CEACAM6: variants seen among roughly 807,000 people sequenced by gnomAD.
CEACAM6 encodes CEA cell adhesion molecule 6.
Under a neutral mutation model 32.4 loss-of-function variants are expected in CEACAM6, and 21 were observed. That is an observed-to-expected ratio of 0.65 (90% confidence interval 0.46 to 0.93). The LOEUF (loss-of-function observed/expected upper bound fraction) is 0.93, where lower values mean the gene tolerates loss of function less well. Ranked by LOEUF, CEACAM6 falls within the 40% of genes least tolerant of loss-of-function variation. CEACAM6 has a pLI of 0.00. For missense variants in CEACAM6, 406 were observed against 432.2 expected (o/e 0.94, Z 0.54); for synonymous variants, 184 against 174.4 (o/e 1.06, Z -0.43).
intron 5 of CEACAM6, among the ~76,000 whole-genome samples, chr19:41,766,955 G>A (rs932777736): frequency 6.3e-5 from 9 of 141,876 alleles, no homozygotes; most frequent in Admixed American, 3.0e-4. Context: ...GCAGTGAGCC[G>A]AGATCGTGCC....
intron 4 of CEACAM6, among the ~76,000 whole-genome samples, chr19:41,765,138 C>G (rs1347049397): frequency 6.6e-6 from 1 of 152,214 alleles, no homozygotes; most frequent in Non-Finnish European, 1.5e-5. Flanking sequence ...GAGTCAAATT[C>G]TAAATCCACT....
intron 5 of CEACAM6, among the ~76,000 whole-genome samples, chr19:41,769,994 T>C (rs2072983936): frequency 6.6e-6 from 1 of 151,506 alleles, no homozygotes. Flanking sequence ...GGAATATACA[T>C]AGATGAACCC....
intron 2 of CEACAM6, among the ~76,000 whole-genome samples, chr19:41,760,170 T>G: frequency 6.6e-6 from 1 of 152,152 alleles, no homozygotes. Context: ...AACTCCCCAT[T>G]CTGCCTCTCC....
chr19:41,771,558 T>A lies in CEACAM6; in HGVS notation c.*797T>A, dbSNP rs2072994499. ...TCATCTGACTCATTCTTTATTCTATTTTAGTTGGTTTGTATCTTGCCTAAG... is the reference window on the plus strand; with the variant it reads ...TCATCTGACTCATTCTTTATTCTATATTAGTTGGTTTGTATCTTGCCTAAG... On this transcript the variant is annotated 3_prime_UTR_variant, in exon 6 of 6. Coordinates refer to ENST00000199764, the MANE Select transcript of CEACAM6 (RefSeq NM_002483.7). 1 of 152,252 alleles carries A rather than the reference T, an allele frequency of 6.6e-6. No homozygotes were observed. Among genetic ancestry groups the A allele is most frequent in the African/African-American group, 2.4e-5 (1 of 41,460 alleles). 9.4% of individuals were successfully genotyped at this position (152,252 alleles called of 1,614,324 possible).
At chr19:41,770,272 A>AT (rs2072986060) in intron 5 of CEACAM6, among the ~76,000 whole-genome samples, 1 of 151,574 alleles carries the variant, frequency 6.6e-6, no homozygotes, top group African/African-American at 2.4e-5. Context: ...AAAAAAAAAA[A>AT]AAAAGCTAGG....
chr19:41,768,744 C>T (rs1555822659), intron 5 of CEACAM6, among the ~76,000 whole-genome samples: 1 of 151,476 alleles, frequency 6.6e-6, no homozygotes, highest in East Asian at 2.0e-4. Context: ...CCCCCCACCT[C>T]CCTCCCGGAC....
intron 1 of CEACAM6, 66 bp downstream of exon 1, chr19:41,755,768 G>C (rs1555820941): frequency 1.4e-6 from 2 of 1,382,786 alleles, no homozygotes; most frequent in Non-Finnish European, 1.0e-6. Flanking sequence ...GGGTCTCCTG[G>C]GGAGGACAAG....
chr19:41,758,997 G>A (rs995178953), intron 2 of CEACAM6, among the ~76,000 whole-genome samples: 1 of 152,210 alleles, frequency 6.6e-6, no homozygotes, highest in Admixed American at 6.5e-5. Flanking sequence ...AGGGACAAGC[G>A]ACTCCTCCAT....
intron 2 of CEACAM6, 52 bp from the exon 3 acceptor site, chr19:41,761,197 G>A (rs1188103536): frequency 5.0e-6 from 8 of 1,612,604 alleles, no homozygotes; most frequent in East Asian, 2.2e-5. Context: ...AGATGCCTGT[G>A]GAGGAATCAA....
intron 3 of CEACAM6, 33 bp downstream of exon 3, chr19:41,761,560 T>G (rs1555821899): frequency 6.2e-7 from 1 of 1,609,018 alleles, no homozygotes; most frequent in East Asian, 2.2e-5. Context: ...TGGCCCAGGC[T>G]GCCAGCCCAA....
chr19:41,766,167 CTCTT>C lies in CEACAM6; in HGVS notation c.959-15_959-12del. Reference sequence around the variant, plus strand: ...GAATAACATCACCTTCATTCCTTCTCTCTTCTTCCCACAAGGAAGTGCTCCTGTC... The same window carrying C: ...GAATAACATCACCTTCATTCCTTCTCCTTCCCACAAGGAAGTGCTCCTGTC... On this transcript the variant is annotated splice_polypyrimidine_tract_variant and intron_variant, in intron 4 of 5. Transcript: ENST00000199764. The C allele has an allele frequency of 6.3e-7, 1 of 1,588,010 alleles. No individual in the cohort carries two copies. Among genetic ancestry groups the C allele is most frequent in the Non-Finnish European group, 8.6e-7 (1 of 1,166,358 alleles).
rs375771328 is a variant in CEACAM6, at chr19:41,756,848, G to A, written c.313G>A (p.Ala105Thr). ...TGGTCGAGAGACAATATACCCCAAT[G>A]CATCCCTGCTGATCCAGAACGTCAC... ...YSGRETIYPN[A>T]SLLIQNVTQN... Residue 105 changes from alanine (A) to threonine (T), a missense_variant, in exon 2 of 6, where the codon GCA (alanine) becomes ACA (threonine). Ala to Thr is a moderately conservative substitution (Grantham distance 58). Coordinates refer to ENST00000199764, the MANE Select transcript of CEACAM6 (RefSeq NM_002483.7). 119 of 1,614,024 alleles carry A rather than the reference G, an allele frequency of 7.4e-5. No individual in the cohort carries two copies. Among genetic ancestry groups the A allele is most frequent in the Non-Finnish European group, 1.0e-4 (118 of 1,180,036 alleles).
At chr19:41,768,788 TC>T (rs1280925409) in intron 5 of CEACAM6, among the ~76,000 whole-genome samples, 9 of 152,092 alleles carry the variant, frequency 5.9e-5, no homozygotes, top group Admixed American at 5.9e-4. Context: ...GCTCCTCACT[TC>T]CCAGTAGGGG....
intron 4 of CEACAM6, among the ~76,000 whole-genome samples, chr19:41,764,826 T>C (rs1221118456): frequency 6.6e-6 from 1 of 152,202 alleles, no homozygotes; most frequent in Non-Finnish European, 1.5e-5. Context: ...TAAAGTTAGG[T>C]TGTTGATTTG....
intron 2 of CEACAM6, among the ~76,000 whole-genome samples, chr19:41,760,393 T>G (rs1372598701): frequency 5.3e-5 from 8 of 152,234 alleles, no homozygotes; most frequent in East Asian, 1.9e-4. Flanking sequence ...ATTTGCAGCA[T>G]TTCATGCTCC....
rs1555822370 is a variant in CEACAM6, at chr19:41,766,180, A to C, written c.959-3A>C. The C allele has an allele frequency of 6.3e-7, 1 of 1,599,402 alleles. No homozygotes were observed. Among genetic ancestry groups the C allele is most frequent in the East Asian group, 2.3e-5 (1 of 43,516 alleles). On this transcript the variant is annotated splice_polypyrimidine_tract_variant and splice_region_variant and intron_variant, in intron 4 of 5. Transcript: ENST00000199764. ...TTCATTCCTTCTCTCTTCTTCCCAC[A>C]AGGAAGTGCTCCTGTCCTCTCAGCT...
rs1232300698 is a variant in CEACAM6, at chr19:41,768,093, AT to A, written c.*40+1803del. ...TTTATTTTTATTTTTATTTATTTTTATTTTTTTTTATTGATCATTCTTGGGT... is the reference window on the plus strand; with the variant it reads ...TTTATTTTTATTTTTATTTATTTTTATTTTTTTTATTGATCATTCTTGGGT... On this transcript the variant is annotated intron_variant, in intron 5 of 5. Coordinates refer to ENST00000199764, the MANE Select transcript of CEACAM6 (RefSeq NM_002483.7). Among the ~76,000 whole-genome samples the A allele has an allele frequency of 2.3e-3, 347 of 149,606 alleles. 2 individuals are homozygous for A. The highest frequency in any genetic ancestry group is 8.4e-3 in the African/African-American group (340 of 40,700).
chr19:41,766,342 C>A (rs1357530811), intron 5 of CEACAM6, 43 bp downstream of exon 5: 2 of 1,041,078 alleles, frequency 1.9e-6, no homozygotes, highest in African/African-American at 3.3e-5. Flanking sequence ...GCAGGGCTGA[C>A]CACCATGCTT....
intron 5 of CEACAM6, among the ~76,000 whole-genome samples, chr19:41,768,628 C>G (rs1435047952): frequency 6.7e-6 from 1 of 149,256 alleles, no homozygotes; most frequent in South Asian, 2.2e-4. Context: ...ACCTCCCAGA[C>G]GGGGTGGTGG....
Sources: allele counts gnomAD v4.1 joint callset (sites outside exome capture counted in the v4.1 genomes callset), GRCh38; gene constraint gnomAD v4.1.1; transcripts MANE v1.5; gene names NCBI Gene and HGNC (gene_info 2026-07-23, HGNC 2026-07-21).